Variants in RPN1 observed in about 807,000 individuals in gnomAD.
RPN1 encodes ribophorin I.
RPN1 carries 12 observed loss-of-function variants against 55.5 expected under a neutral mutation model. The observed-to-expected ratio is 0.22, with a 90% CI of 0.14 to 0.35. The LOEUF (loss-of-function observed/expected upper bound fraction) is 0.35. Ranked by LOEUF, RPN1 falls within the 10% of genes least tolerant of loss-of-function variation. RPN1 has a pLI of 1.00. For synonymous variants in RPN1, 317 were observed against 305.9 expected (o/e 1.04, Z -0.38); for missense variants, 679 against 761.3 (o/e 0.89, Z 1.27).
intron 5 of RPN1, among the ~76,000 whole-genome samples, chr3:128,628,178 AC>A (rs1385854434): frequency 6.6e-6 from 1 of 151,864 alleles, no homozygotes; most frequent in Non-Finnish European, 1.5e-5. Flanking sequence ...AATCTCTTGA[AC>A]CCAGGAGGCG....
chr3:128,650,080 G>A (rs1448947760), intron 1 of RPN1, among the ~76,000 whole-genome samples: 1 of 152,220 alleles, frequency 6.6e-6, no homozygotes, highest in Non-Finnish European at 1.5e-5. Flanking sequence ...CTCTACTTGA[G>A]CCACCTCGTC....
At chr3:128,637,539 C>T (rs913524172) in intron 3 of RPN1, among the ~76,000 whole-genome samples, 9 of 152,136 alleles carry the variant, frequency 5.9e-5, no homozygotes, top group Non-Finnish European at 1.2e-4. Flanking sequence ...CTTACTGCCT[C>T]TGCGTGGAAT....
intron 3 of RPN1, among the ~76,000 whole-genome samples, chr3:128,635,721 A>G (rs1270144036): frequency 1.3e-5 from 2 of 148,632 alleles, no homozygotes; most frequent in African/African-American, 2.5e-5. Flanking sequence ...ACACACGTGT[A>G]TATATAAAAA....
Position 128,626,830 on chromosome 3 carries a change from C to T in RPN1, c.1039G>A (p.Asp347Asn). Residue 347 changes from aspartate to asparagine, a missense_variant and splice_region_variant, in exon 6 of 10, where the codon GAC (aspartate) becomes AAC (asparagine). Physicochemically the swap from Asp to Asn is conservative, Grantham distance 23. This residue lies in a region of RPN1 where 306 missense variants were observed against 360.0 expected (regional missense o/e 0.85). Coordinates refer to ENST00000296255, the MANE Select transcript of RPN1 (RefSeq NM_002950.4). ...AACCTCATCTTCAGTGCATACTGGTCACCTGAAGGATCAAGCAAGCATAAG... is the reference window on the plus strand; with the variant it reads ...AACCTCATCTTCAGTGCATACTGGTTACCTGAAGGATCAAGCAAGCATAAG... ...PSYEYLYNLGDQYALKMRFVD... is the reference protein window; with the variant it reads ...PSYEYLYNLGNQYALKMRFVD... 5 of 1,613,664 alleles carry T rather than the reference C, an allele frequency of 3.1e-6. No individual in the cohort carries two copies. The South Asian group carries it at 5.5e-5, about 18-fold the overall frequency.
chr3:128,630,941 G>A (rs9839384), intron 4 of RPN1, among the ~76,000 whole-genome samples: 6,357 of 149,650 alleles, frequency 0.042, 211 homozygotes, highest in Non-Finnish European at 0.064. Flanking sequence ...GTGAAACCCC[G>A]TCTCTACTAA....
chr3:128,642,065 G>A (rs1243012681), intron 2 of RPN1, among the ~76,000 whole-genome samples: 1 of 152,160 alleles, frequency 6.6e-6, no homozygotes, highest in Non-Finnish European at 1.5e-5. Context: ...AAGTTACCTT[G>A]CCTATCCAAG....
intron 5 of RPN1, 57 bp from the exon 6 acceptor site, chr3:128,626,889 G>A: frequency 6.7e-7 from 1 of 1,489,006 alleles, no homozygotes; most frequent in East Asian, 2.3e-5. Flanking sequence ...ATGGGCAGGA[G>A]AGAAAGAAGT....
chr3:128,634,424 A>C (rs1464178270), intron 3 of RPN1, among the ~76,000 whole-genome samples: 1 of 152,170 alleles, frequency 6.6e-6, no homozygotes, highest in Non-Finnish European at 1.5e-5. Context: ...TACTTTATAC[A>C]TAATATGACA....
chr3:128,645,308 C>T (rs1360850857), intron 1 of RPN1, among the ~76,000 whole-genome samples: 2 of 151,986 alleles, frequency 1.3e-5, no homozygotes, highest in African/African-American at 2.4e-5. Flanking sequence ...CCCATCTCTA[C>T]TAAAAATACA....
At chr3:128,635,640 GATATATAT>G (rs1162489418) in intron 3 of RPN1, among the ~76,000 whole-genome samples, 1,648 of 114,022 alleles carry the variant, frequency 0.014, 17 homozygotes, top group Non-Finnish European at 0.021. Flanking sequence ...TATATATATA[GATATATAT>G]ATATATATAT....
rs1362056373 is a variant in RPN1 at position 128,625,884 on chromosome 3, T to C, written c.1265A>G (p.Gln422Arg). The stretch of plus-strand genomic sequence containing the variant: ...AGTGGAGCCACTCACCACAATGTCC[T>C]GAATGTGCTGTTCTACCAGATTTTT... ...YKKNLVEQHI[Q>R]DIVVHYTFNK... The change falls in exon 7 of 10, where the codon CAG becomes CGG. Residue 422 changes from glutamine to arginine, a missense_variant. Gln to Arg is a conservative substitution (Grantham distance 43). This residue lies in a region of RPN1 where 306 missense variants were observed against 360.0 expected (regional missense o/e 0.85). Coordinates refer to ENST00000296255, the MANE Select transcript of RPN1 (RefSeq NM_002950.4). 6 of 1,611,728 alleles carry C rather than the reference T, an allele frequency of 3.7e-6. No individual in the cohort carries two copies. Among genetic ancestry groups the C allele is most frequent in the Non-Finnish European group, 5.1e-6 (6 of 1,178,788 alleles).
intron 2 of RPN1, among the ~76,000 whole-genome samples, chr3:128,639,159 A>T (rs2069705868): frequency 6.6e-6 from 1 of 152,156 alleles, no homozygotes; most frequent in Admixed American, 6.5e-5. Context: ...CTCCATTTAA[A>T]AACATACATA....
chr3:128,649,052 C>T (rs1316397609), intron 1 of RPN1, among the ~76,000 whole-genome samples: 4 of 152,022 alleles, frequency 2.6e-5, no homozygotes, highest in South Asian at 2.1e-4. Flanking sequence ...CAGTAGAGTC[C>T]CAGTAAGAAA....
Position 128,644,975 on chromosome 3 carries a change from TC to T in RPN1, c.269del (p.Gly90GlufsTer86). On this transcript the variant is annotated frameshift_variant, in exon 2 of 10. Transcript: ENST00000296255. LOFTEE classifies it high-confidence loss of function. ...RLAHLGVQVK[G>X]EDEEENNLEV... ...CCAAATTGTTCTCTTCCTCATCTTC[TC>T]CCTTTACCTACAACAGAAAAAGATA... The T allele has an allele frequency of 6.4e-7, 1 of 1,562,006 alleles. No homozygotes were observed. The highest frequency in any genetic ancestry group is 8.8e-7 in the Non-Finnish European group (1 of 1,132,612).
intron 8 of RPN1, among the ~76,000 whole-genome samples, chr3:128,623,993 ACACACACACACG>A (rs2069579800): frequency 6.6e-6 from 1 of 151,546 alleles, no homozygotes; most frequent in East Asian, 1.9e-4. Flanking sequence ...AAATAATTAC[ACACACACACACG>A]CACACACACA....
intron 9 of RPN1, 97 bp from the exon 10 acceptor site, chr3:128,620,690 A>C: frequency 7.7e-7 from 1 of 1,301,472 alleles, no homozygotes; most frequent in Non-Finnish European, 1.1e-6. Context: ...CCAGAGCTCC[A>C]CAGGTATCAG....
rs935974070 is a variant in RPN1, at chr3:128,644,701, G to A, written c.326+218C>T. On this transcript the variant is annotated intron_variant, in intron 2 of 9. Coordinates refer to ENST00000296255, the MANE Select transcript of RPN1 (RefSeq NM_002950.4). ...AGGACAGATGCAGTGGTTCACACCT[G>A]TAATCCCAGCACTTTGAGAGGCCAA... The A allele has an allele frequency of 7.1e-5, 46 of 651,762 alleles. No homozygotes were observed. The South Asian group carries it at 7.7e-4, about 11-fold the overall frequency. 40.4% of individuals were successfully genotyped at this position (651,762 alleles called of 1,614,324 possible). A position where few individuals can be genotyped will look rare whatever the true frequency, so the allele number is the denominator to read the frequency against.
At chr3:128,630,916 A>G (rs1402035657) in intron 4 of RPN1, among the ~76,000 whole-genome samples, 3 of 143,728 alleles carry the variant, frequency 2.1e-5, no homozygotes, top group South Asian at 2.2e-4. Context: ...GATCGAGACC[A>G]TCCTGGCTAA....
intron 3 of RPN1, among the ~76,000 whole-genome samples, chr3:128,637,028 G>A (rs2069686457): frequency 6.6e-6 from 1 of 152,130 alleles, no homozygotes; most frequent in Non-Finnish European, 1.5e-5. Flanking sequence ...CCTGGGCCCA[G>A]GAGTTTGAGA....
Sources: gnomAD v4.1 joint callset for allele counts (sites outside exome capture counted in the v4.1 genomes callset) on GRCh38, gnomAD v4.1.1 for gene constraint, gnomAD v4.1.1 regional missense constraint, MANE v1.5 for transcripts, NCBI Gene and HGNC (gene_info 2026-07-23, HGNC 2026-07-21) for gene names.